The following SGCD variants were observed in gnomAD, a reference collection of about 807,000 sequenced individuals.
The protein encoded by SGCD is delta-sarcoglycan.
SGCD carries 18 observed loss-of-function variants against 36.6 expected under a neutral mutation model. That is an observed-to-expected ratio of 0.49 (90% CI 0.34 to 0.73). The LOEUF (loss-of-function observed/expected upper bound fraction) is 0.73, where lower values mean the gene tolerates loss of function less well. Ranked by LOEUF, SGCD falls within the 30% of genes least tolerant of loss-of-function variation. The probability of loss-of-function intolerance (pLI) is 0.01; values close to 1 mark genes in which losing one functional copy is unlikely to be tolerated. For missense variants in SGCD, 387 were observed against 346.7 expected, an observed-to-expected ratio of 1.12 and a Z score of -0.92; for synonymous variants, 133 against 130.6, an observed-to-expected ratio of 1.02 and a Z score of -0.12.
intron 6 of SGCD, among the ~76,000 whole-genome samples, chr5:156,623,096 ATATG>A (rs1298117589): frequency 3.3e-5 from 5 of 151,590 alleles, no homozygotes; most frequent in African/African-American, 1.2e-4. Flanking sequence ...GTATTATATG[ATATG>A]TGTGTATATA....
chr5:156,342,432 T>C (rs1768710425), intron 2 of SGCD, among the ~76,000 whole-genome samples: 1 of 152,256 alleles, frequency 6.6e-6, no homozygotes, highest in African/African-American at 2.4e-5. Context: ...CATTCACAAT[T>C]AGTTGATTAA....
intron 3 of SGCD, among the ~76,000 whole-genome samples, chr5:156,447,927 T>A (rs1485768082): frequency 6.6e-6 from 1 of 152,176 alleles, no homozygotes; most frequent in African/African-American, 2.4e-5. Flanking sequence ...ATAAAACACC[T>A]TTGTTAATCT....
chr5:155,824,167 A>G, the SGCD span, among the ~76,000 whole-genome samples: 38 of 152,324 alleles, frequency 2.5e-4, no homozygotes, highest in African/African-American at 9.1e-4. Flanking sequence ...AAAAAGAATA[A>G]TGAATTATGT....
intron 1 of SGCD, among the ~76,000 whole-genome samples, chr5:156,013,689 A>C (rs983862434): frequency 1.2e-4 from 19 of 152,092 alleles, no homozygotes; most frequent in African/African-American, 4.6e-4. Context: ...TTATATTGAG[A>C]GTGTTTGCTC....
chr5:156,407,172 G>A (rs1192358010), intron 3 of SGCD, among the ~76,000 whole-genome samples: 2 of 152,050 alleles, frequency 1.3e-5, no homozygotes, highest in Non-Finnish European at 2.9e-5. Flanking sequence ...CACCCTCACA[G>A]ACATACCCAG....
intron 6 of SGCD, among the ~76,000 whole-genome samples, chr5:156,610,227 G>T (rs1761723932): frequency 6.6e-6 from 1 of 152,126 alleles, no homozygotes; most frequent in Non-Finnish European, 1.5e-5. Context: ...TTTTGGTGTG[G>T]ATGTCCTTTC....
At chr5:156,194,440 G>A (rs923949461) in intron 3 of SGCD, among the ~76,000 whole-genome samples, 2 of 152,020 alleles carry the variant, frequency 1.3e-5, no homozygotes, top group African/African-American at 4.8e-5. Context: ...TTTAATATGT[G>A]AAACTCTGCT....
chr5:155,931,806 G>A (rs1757102820), intron 1 of SGCD, among the ~76,000 whole-genome samples: 1 of 152,110 alleles, frequency 6.6e-6, no homozygotes, highest in South Asian at 2.1e-4. Flanking sequence ...AGTCCATTTG[G>A]GCTGCTGTAA....
At chr5:156,361,904 G>A (rs1292453359) in intron 3 of SGCD, among the ~76,000 whole-genome samples, 1 of 152,162 alleles carries the variant, frequency 6.6e-6, no homozygotes, top group African/African-American at 2.4e-5. Context: ...ATTGCATGTG[G>A]ATTACTTTGG....
intron 1 of SGCD, among the ~76,000 whole-genome samples, chr5:156,028,693 GC>G (rs1446643302): frequency 6.6e-6 from 1 of 152,076 alleles, no homozygotes; most frequent in African/African-American, 2.4e-5. Flanking sequence ...TCCTAGATGA[GC>G]CATTAAAATA....
chr5:155,808,032 A>G, the SGCD span, among the ~76,000 whole-genome samples: 2 of 152,242 alleles, frequency 1.3e-5, no homozygotes, highest in African/African-American at 4.8e-5. Flanking sequence ...CCTTATAAAA[A>G]ATAAGCCTTG....
At chr5:156,739,196 C>T (rs1334974862) in intron 7 of SGCD, among the ~76,000 whole-genome samples, 1 of 151,994 alleles carries the variant, frequency 6.6e-6, no homozygotes, top group Non-Finnish European at 1.5e-5. Flanking sequence ...CAATAATAAT[C>T]TTAAGTTGTT....
chr5:156,282,933 T>C (rs57539502), intron 3 of SGCD, among the ~76,000 whole-genome samples: 6,040 of 152,272 alleles, frequency 0.04, 377 homozygotes, highest in African/African-American at 0.13. Flanking sequence ...AGAAAACGCA[T>C]TTTTGATGAT....
At chr5:156,212,533 T>C (rs1250074340) in intron 3 of SGCD, among the ~76,000 whole-genome samples, 1 of 152,122 alleles carries the variant, frequency 6.6e-6, no homozygotes, top group Non-Finnish European at 1.5e-5. Context: ...AGAAATAGAT[T>C]GCAATACAAC....
At chr5:156,712,905 T>C (rs1367425818) in intron 7 of SGCD, among the ~76,000 whole-genome samples, 1 of 152,170 alleles carries the variant, frequency 6.6e-6, no homozygotes, top group Non-Finnish European at 1.5e-5. Context: ...TTACTTGTTA[T>C]CTATCCCCCA....
rs941846712 is a variant in SGCD, at chr5:156,767,533, C to G, written c.*8143C>G. The G allele has an allele frequency of 2.7e-5, 4 of 148,612 alleles. No homozygotes were observed. The highest frequency in any genetic ancestry group is 2.1e-4 in the South Asian group (1 of 4,688). The allele number at this position is 148,612 out of a possible 1,614,324, so 9.2% of individuals were successfully genotyped here. On this transcript the variant is annotated 3_prime_UTR_variant, in exon 9 of 9. Coordinates refer to ENST00000337851, the MANE Select transcript of SGCD (RefSeq NM_000337.6). ...ATTCCCATAAAGTAATTGAGTTCAG[C>G]CTTTGGATTATTTTTGGTTTGGTTT...
At chr5:156,687,979 G>A (rs1753967394) in intron 7 of SGCD, among the ~76,000 whole-genome samples, 1 of 152,090 alleles carries the variant, frequency 6.6e-6, no homozygotes, top group African/African-American at 2.4e-5. Context: ...CCTTCCCAAT[G>A]TCCCCAACAG....
chr5:156,100,889 C>T (rs1175538475), intron 1 of SGCD, among the ~76,000 whole-genome samples: 1 of 152,144 alleles, frequency 6.6e-6, no homozygotes, highest in Non-Finnish European at 1.5e-5. Flanking sequence ...GAACCAAATG[C>T]TTGTGTGCCC....
At chr5:156,010,259 A>T (rs1196664927) in intron 1 of SGCD, among the ~76,000 whole-genome samples, 2 of 152,214 alleles carry the variant, frequency 1.3e-5, no homozygotes, top group African/African-American at 4.8e-5. Context: ...ATTAAATAAC[A>T]TCTTAATCTT....
Sources: allele counts gnomAD v4.1 joint callset (sites outside exome capture counted in the v4.1 genomes callset), GRCh38; gene constraint gnomAD v4.1.1; transcripts MANE v1.5; gene names NCBI Gene and HGNC (gene_info 2026-07-23, HGNC 2026-07-21).